The following SCN11A variants were observed in gnomAD, a reference collection of about 807,000 sequenced individuals.
SCN11A encodes the protein sodium voltage-gated channel alpha subunit 11, also known as sodium channel protein type 11 subunit alpha.
In SCN11A, 122 loss-of-function variants were observed where a neutral mutation model predicts 162.2. That is an observed-to-expected ratio of 0.75 (90% CI 0.65 to 0.87). The LOEUF is 0.87. Ranked by LOEUF, SCN11A falls within the 40% of genes least tolerant of loss-of-function variation. The probability of loss-of-function intolerance (pLI) is 0.00; values close to 1 mark genes in which losing one functional copy is unlikely to be tolerated. For synonymous variants in SCN11A, 758 were observed against 751.5 expected (o/e 1.01, Z -0.14); for missense variants, 2,015 against 2,181.6 (o/e 0.92, Z 1.52).
chr3:39,043,031 A>G (rs530278814), intron 1 of SCN11A, among the ~76,000 whole-genome samples: 3 of 152,134 alleles, frequency 2.0e-5, no homozygotes, highest in African/African-American at 7.2e-5. Flanking sequence ...TTCTCAAAAC[A>G]AGACGTACAA....
chr3:38,890,226 G>C (rs1479106655), intron 19 of SCN11A, among the ~76,000 whole-genome samples: 1 of 152,208 alleles, frequency 6.6e-6, no homozygotes, highest in Non-Finnish European at 1.5e-5. Context: ...AGGAAACTGA[G>C]AAGTTGAGAG....
intron 2 of SCN11A, among the ~76,000 whole-genome samples, chr3:39,009,304 T>G (rs1299435191): frequency 6.6e-6 from 1 of 152,024 alleles, no homozygotes; most frequent in African/African-American, 2.4e-5. Context: ...TGGTAAGTTT[T>G]AATTTCAAAT....
At chr3:38,985,359 T>C (rs1347839270) in intron 2 of SCN11A, among the ~76,000 whole-genome samples, 1 of 150,452 alleles carries the variant, frequency 6.6e-6, no homozygotes, top group Non-Finnish European at 1.5e-5. Context: ...CTCGATCTCC[T>C]GACCTCGTGA....
chr3:38,954,990 A>AAAAAG (rs990682830), intron 3 of SCN11A, among the ~76,000 whole-genome samples: 1 of 152,176 alleles, frequency 6.6e-6, no homozygotes, highest in Non-Finnish European at 1.5e-5. Context: ...TCTGTCTCAA[A>AAAAAG]AAAAGAAAAG....
chr3:38,958,558 C>T (rs139328622), intron 3 of SCN11A, among the ~76,000 whole-genome samples: 32 of 152,322 alleles, frequency 2.1e-4, no homozygotes, highest in Admixed American at 7.2e-4. Flanking sequence ...GAGTCATTCA[C>T]TAAATACAAT....
intron 2 of SCN11A, among the ~76,000 whole-genome samples, chr3:38,993,483 C>T (rs1228936975): frequency 6.6e-6 from 1 of 152,212 alleles, no homozygotes; most frequent in East Asian, 1.9e-4. Flanking sequence ...CAATCACATA[C>T]TTTCATACTA....
chr3:38,872,174 A>G lies in SCN11A; in HGVS notation c.3495+19T>C, dbSNP rs2126096540. 7.1e-6 allele frequency: 10 copies of G among 1,408,268 alleles called. No individual in the cohort carries two copies. The highest frequency in any genetic ancestry group is 1.0e-5 in the Non-Finnish European group (10 of 993,328). The allele number at this position is 1,408,268 out of a possible 1,614,324, so 87.2% of individuals were successfully genotyped here. On this transcript the variant is annotated intron_variant, in intron 24 of 29. Transcript: ENST00000302328. ...TTCTCTGTTAACTGAACTTCTACCC[A>G]TTCTTCTGCAGAATGTACCTTCATT...
At chr3:38,853,494 A>T (rs2064816938) in intron 28 of SCN11A, among the ~76,000 whole-genome samples, 1 of 152,228 alleles carries the variant, frequency 6.6e-6, no homozygotes, top group Admixed American at 6.5e-5. Flanking sequence ...ACTATATAAA[A>T]GATAAATTCT....
chr3:38,927,164 G>T (rs569674673), intron 7 of SCN11A, among the ~76,000 whole-genome samples: 2 of 152,278 alleles, frequency 1.3e-5, no homozygotes, highest in Admixed American at 1.3e-4. Flanking sequence ...TCAAGGCCTA[G>T]CTTTATGTCC....
chr3:38,960,797 T>C (rs2066734189), intron 2 of SCN11A, among the ~76,000 whole-genome samples: 1 of 152,200 alleles, frequency 6.6e-6, no homozygotes, highest in Non-Finnish European at 1.5e-5. Context: ...GGTGTCCATT[T>C]GGCATCTCCT....
At chr3:38,991,781 T>C (rs2030460952) in intron 2 of SCN11A, among the ~76,000 whole-genome samples, 1 of 152,120 alleles carries the variant, frequency 6.6e-6, no homozygotes, top group African/African-American at 2.4e-5. Flanking sequence ...GAATTGGCAG[T>C]CTGTGCTTTA....
At chr3:38,998,963 C>T (rs572427725) in intron 2 of SCN11A, among the ~76,000 whole-genome samples, 1,816 of 151,526 alleles carry the variant, frequency 0.012, 21 homozygotes, top group Non-Finnish European at 0.019. Context: ...TGTTAAATGA[C>T]GAGTTAATGG....
chr3:38,878,389 T>C (rs1396477390), intron 23 of SCN11A, among the ~76,000 whole-genome samples: 1 of 151,950 alleles, frequency 6.6e-6, no homozygotes, highest in East Asian at 1.9e-4. Context: ...AGAGGGGAAA[T>C]GTTTTGCTTA....
At chr3:38,864,887 T>C (rs2065018105) in intron 27 of SCN11A, among the ~76,000 whole-genome samples, 1 of 152,078 alleles carries the variant, frequency 6.6e-6, no homozygotes, top group African/African-American at 2.4e-5. Flanking sequence ...AATAAGCAAA[T>C]GAAACACAGA....
intron 3 of SCN11A, among the ~76,000 whole-genome samples, chr3:38,956,745 T>C (rs2066686965): frequency 6.6e-6 from 1 of 152,150 alleles, no homozygotes; most frequent in Non-Finnish European, 1.5e-5. Context: ...ATTATAATTA[T>C]AGAGTAGATT....
intron 1 of SCN11A, among the ~76,000 whole-genome samples, chr3:39,050,845 A>G (rs975582681): frequency 3.9e-5 from 6 of 152,224 alleles, no homozygotes; most frequent in Non-Finnish European, 5.9e-5. Context: ...TTACAATTAC[A>G]TATCTCAACT....
At chr3:38,886,569 G>A (rs1337586587) in intron 19 of SCN11A, among the ~76,000 whole-genome samples, 1 of 152,074 alleles carries the variant, frequency 6.6e-6, no homozygotes, top group Non-Finnish European at 1.5e-5. Context: ...TTTTAAATGT[G>A]CTCTTTCAAT....
At chr3:39,045,073 C>T (rs771532207) in intron 1 of SCN11A, among the ~76,000 whole-genome samples, 6 of 152,102 alleles carry the variant, frequency 3.9e-5, no homozygotes, top group Non-Finnish European at 7.4e-5. Context: ...CCTGGACACA[C>T]GCAACCTACC....
intron 7 of SCN11A, among the ~76,000 whole-genome samples, chr3:38,937,233 A>G (rs1333611881): frequency 6.6e-6 from 1 of 151,812 alleles, no homozygotes; most frequent in Non-Finnish European, 1.5e-5. Context: ...AAGATGGATT[A>G]AAGACTTAAA....
Sources: gnomAD v4.1 joint callset for allele counts (sites outside exome capture counted in the v4.1 genomes callset) on GRCh38, gnomAD v4.1.1 for gene constraint, MANE v1.5 for transcripts, NCBI Gene and HGNC (gene_info 2026-07-23, HGNC 2026-07-21) for gene names.